Variants in CNTN5 observed in about 807,000 individuals in gnomAD.
CNTN5 encodes the protein contactin 5.
A neutral mutation model predicts 129.1 loss-of-function variants in CNTN5; 77 were observed. The observed-to-expected ratio is 0.60, with a 90% CI of 0.50 to 0.72. CNTN5 has a LOEUF of 0.72. Among genes scored for constraint, CNTN5 ranks in the 30% least tolerant of loss-of-function variants. The pLI is 0.00. For synonymous variants in CNTN5, 509 were observed against 465.6 expected, an observed-to-expected ratio of 1.09 and a Z score of -1.20; for missense variants, 1,478 against 1,328.8, an observed-to-expected ratio of 1.11 and a Z score of -1.75.
intron 1 of CNTN5, among the ~76,000 whole-genome samples, chr11:99,209,921 A>G (rs17133247): frequency 0.016 from 2,499 of 152,236 alleles, 35 homozygotes; most frequent in African/African-American, 0.034. Flanking sequence ...GAAATAGACT[A>G]AATCATAGTG....
rs139617266 is a variant in CNTN5 at position 99,513,458 on chromosome 11, G to A, written c.-70-42687G>A. Among the ~76,000 whole-genome samples, 53 of 152,210 alleles carry A rather than the reference G, an allele frequency of 3.5e-4. No individual in the cohort carries two copies. The East Asian group carries it at 5.0e-3, about 14-fold the overall frequency. ...GAGCCTTCTGTTGGAAGAAGATGCC[G>A]TCTAGGACTTTCATAGCTAGAGAGT... On this transcript the variant is annotated intron_variant, in intron 2 of 24. Transcript: ENST00000524871.
intron 3 of CNTN5, among the ~76,000 whole-genome samples, chr11:99,653,865 A>T (rs602546): frequency 0.53 from 79,681 of 151,642 alleles, 21,498 homozygotes; most frequent in Middle Eastern, 0.64. Flanking sequence ...TTTTTTAATG[A>T]TTTCTACAAT....
chr11:99,808,290 C>T (rs1050291518), intron 3 of CNTN5, among the ~76,000 whole-genome samples: 11 of 152,078 alleles, frequency 7.2e-5, no homozygotes, highest in African/African-American at 2.4e-4. Context: ...AATATTTTAG[C>T]CCACTTGATG....
At chr11:99,727,322 A>AAAAAAAAAAAAAAAAAAAAAAAAAAAAG (rs1565466265) in intron 3 of CNTN5, among the ~76,000 whole-genome samples, 1 of 126,820 alleles carries the variant, frequency 7.9e-6, no homozygotes, top group African/African-American at 2.9e-5. Flanking sequence ...CAAAAAAAAA[A>AAAAAAAAAAAAAAAAAAAAAAAAAAAAG]AAAAAAAAAA....
intron 13 of CNTN5, among the ~76,000 whole-genome samples, chr11:100,098,578 G>A (rs943486910): frequency 3.3e-5 from 5 of 152,022 alleles, no homozygotes; most frequent in African/African-American, 9.7e-5. Context: ...GAACAGATTA[G>A]TGTATCTTGG....
intron 2 of CNTN5, among the ~76,000 whole-genome samples, chr11:99,480,802 T>C (rs1945567264): frequency 6.6e-6 from 1 of 152,172 alleles, no homozygotes; most frequent in Non-Finnish European, 1.5e-5. Context: ...ATGAGGTATT[T>C]CTGTGGCTTA....
intron 7 of CNTN5, among the ~76,000 whole-genome samples, chr11:99,926,797 A>G (rs1950072954): frequency 6.6e-6 from 1 of 152,100 alleles, no homozygotes; most frequent in South Asian, 2.1e-4. Context: ...AGAGTTTATC[A>G]CACAGACTTT....
chr11:99,878,030 A>G (rs1310120953), intron 6 of CNTN5, among the ~76,000 whole-genome samples: 1 of 152,184 alleles, frequency 6.6e-6, no homozygotes, highest in South Asian at 2.1e-4. Context: ...AAGACACCCC[A>G]CAAGTTTCAC....
At chr11:99,369,209 TTA>T (rs1217585403) in intron 2 of CNTN5, among the ~76,000 whole-genome samples, 1 of 75,282 alleles carries the variant, frequency 1.3e-5, no homozygotes, top group Admixed American at 1.7e-4. Flanking sequence ...ATAATATATA[TTA>T]TATATAATAT....
chr11:99,022,466 T>C (rs1862917313), intron 1 of CNTN5, among the ~76,000 whole-genome samples: 1 of 152,200 alleles, frequency 6.6e-6, no homozygotes, highest in Non-Finnish European at 1.5e-5. Context: ...GTAGTCAATT[T>C]TGAGCAATTC....
chr11:99,327,529 A>G (rs1288448510), intron 2 of CNTN5, among the ~76,000 whole-genome samples: 1 of 152,172 alleles, frequency 6.6e-6, no homozygotes, highest in Non-Finnish European at 1.5e-5. Flanking sequence ...GTGCACTCTT[A>G]TTATGCCATT....
At chr11:99,521,106 A>T (rs551245483) in intron 2 of CNTN5, among the ~76,000 whole-genome samples, 2 of 152,240 alleles carry the variant, frequency 1.3e-5, no homozygotes, top group South Asian at 4.1e-4. Flanking sequence ...TAAGCTTTCC[A>T]CTATGGGATG....
At chr11:100,232,833 G>A (rs1271193807) in intron 16 of CNTN5, among the ~76,000 whole-genome samples, 1 of 152,108 alleles carries the variant, frequency 6.6e-6, no homozygotes, top group Non-Finnish European at 1.5e-5. Flanking sequence ...CTGACCATCA[G>A]CTTCATTACT....
At chr11:99,376,121 T>C (rs1031755589) in intron 2 of CNTN5, among the ~76,000 whole-genome samples, 1 of 152,102 alleles carries the variant, frequency 6.6e-6, no homozygotes, top group Non-Finnish European at 1.5e-5. Flanking sequence ...GGAACAAATA[T>C]TATTGTACGA....
intron 3 of CNTN5, among the ~76,000 whole-genome samples, chr11:99,724,223 CTCTT>C (rs1167323476): frequency 1.3e-5 from 2 of 152,084 alleles, no homozygotes; most frequent in African/African-American, 4.8e-5. Context: ...TATATACTCT[CTCTT>C]TGTTTTTTTC....
intron 9 of CNTN5, among the ~76,000 whole-genome samples, chr11:100,049,435 T>G: frequency 6.6e-6 from 1 of 151,720 alleles, no homozygotes; most frequent in South Asian, 2.1e-4. Flanking sequence ...CTAATAAAAA[T>G]AAGACAAGAG....
chr11:99,694,371 T>A (rs12419474), intron 3 of CNTN5, among the ~76,000 whole-genome samples: 17,281 of 152,108 alleles, frequency 0.11, 1,120 homozygotes, highest in East Asian at 0.26. Context: ...TGCAACAGAG[T>A]GTGTGTAGTA....
intron 2 of CNTN5, among the ~76,000 whole-genome samples, chr11:99,460,137 C>A (rs1193834046): frequency 6.6e-6 from 1 of 151,502 alleles, no homozygotes; most frequent in Non-Finnish European, 1.5e-5. Flanking sequence ...GAATGTCGTG[C>A]TAAACCAGGA....
At chr11:99,902,533 G>A (rs1591390497) in intron 6 of CNTN5, among the ~76,000 whole-genome samples, 1 of 152,040 alleles carries the variant, frequency 6.6e-6, no homozygotes, top group Admixed American at 6.6e-5. Flanking sequence ...CACAGTTTCT[G>A]GAACTGTTTT....
Sources: gnomAD v4.1 joint callset for allele counts (sites outside exome capture counted in the v4.1 genomes callset) on GRCh38, gnomAD v4.1.1 for gene constraint, MANE v1.5 for transcripts, NCBI Gene and HGNC (gene_info 2026-07-23, HGNC 2026-07-21) for gene names.